The following HDAC4 variants were observed in gnomAD, a reference collection of about 807,000 sequenced individuals.
HDAC4 encodes the protein histone deacetylase 4, also known as histone deacetylase A.
Under a neutral mutation model 135.1 loss-of-function variants are expected in HDAC4, and 16 were observed. That is an observed-to-expected ratio of 0.12 (90% CI 0.08 to 0.18). HDAC4 has a LOEUF of 0.18. Ranked by LOEUF, HDAC4 falls within the 10% of genes least tolerant of loss-of-function variation. The probability of loss-of-function intolerance (pLI) is 1.00; values close to 1 mark genes in which losing one functional copy is unlikely to be tolerated. For missense variants in HDAC4, 1,143 were observed against 1,511.8 expected (o/e 0.76, Z 4.05); for synonymous variants, 685 against 653.4 (o/e 1.05, Z -0.74).
At chr2:239,090,205 G>C in intron 17 of HDAC4, 89 bp from the exon 18 acceptor site, 1 of 927,370 alleles carries the variant, frequency 1.1e-6, no homozygotes, top group South Asian at 1.3e-5. Context: ...AGGTTCCGTG[G>C]GCTCTGCTTC....
intron 12 of HDAC4, among the ~76,000 whole-genome samples, chr2:239,123,161 C>T (rs928321089): frequency 6.6e-6 from 1 of 152,232 alleles, no homozygotes; most frequent in African/African-American, 2.4e-5. Flanking sequence ...CTTCCTCAAA[C>T]CTCCTACCCC....
chr2:239,391,447 C>A (rs1373902312), intron 1 of HDAC4, among the ~76,000 whole-genome samples: 1 of 152,186 alleles, frequency 6.6e-6, no homozygotes, highest in Non-Finnish European at 1.5e-5. Context: ...GCCCGGTCAG[C>A]AGCAGGCCCC....
At chr2:239,072,229 C>T (rs2034268124) in intron 22 of HDAC4, among the ~76,000 whole-genome samples, 1 of 152,190 alleles carries the variant, frequency 6.6e-6, no homozygotes, top group Admixed American at 6.5e-5. Flanking sequence ...AGATCCTGTC[C>T]AGATATAACA....
intron 9 of HDAC4, among the ~76,000 whole-genome samples, chr2:239,137,678 C>T (rs1325581178): frequency 6.6e-6 from 1 of 152,212 alleles, no homozygotes; most frequent in Non-Finnish European, 1.5e-5. Flanking sequence ...GGCAAGCTCA[C>T]TACACTCTGC....
intron 3 of HDAC4, among the ~76,000 whole-genome samples, chr2:239,222,489 T>G (rs1418385478): frequency 6.9e-6 from 1 of 145,960 alleles, no homozygotes; most frequent in Non-Finnish European, 1.5e-5. Context: ...AGTGCACAAA[T>G]GTACTTCCTG....
chr2:239,166,496 G>A (rs1422088377), intron 5 of HDAC4, among the ~76,000 whole-genome samples: 5 of 152,162 alleles, frequency 3.3e-5, no homozygotes, highest in Non-Finnish European at 7.4e-5. Flanking sequence ...GTGGCGGTGG[G>A]GGGACAGGAG....
chr2:239,158,825 G>A (rs2042590795), intron 6 of HDAC4, among the ~76,000 whole-genome samples: 1 of 152,062 alleles, frequency 6.6e-6, no homozygotes. Context: ...CCGCACACGC[G>A]TGCCCTCCGC....
chr2:239,346,922 AAC>A (rs201565520), intron 2 of HDAC4, among the ~76,000 whole-genome samples: 2 of 106,870 alleles, frequency 1.9e-5, no homozygotes, highest in South Asian at 2.6e-4. Context: ...CCCTGTCTAA[AAC>A]ACACACACAC....
chr2:239,333,045 G>A (rs1691692127), intron 2 of HDAC4, among the ~76,000 whole-genome samples: 1 of 152,140 alleles, frequency 6.6e-6, no homozygotes, highest in Non-Finnish European at 1.5e-5. Context: ...TCCTATATCA[G>A]TTGAGGGTGT....
chr2:239,289,465 G>A (rs1043584875), intron 2 of HDAC4, among the ~76,000 whole-genome samples: 1 of 152,206 alleles, frequency 6.6e-6, no homozygotes, highest in East Asian at 1.9e-4. Context: ...CAAGGAAGTC[G>A]AGTAAAACAC....
intron 24 of HDAC4, among the ~76,000 whole-genome samples, chr2:239,061,120 G>A (rs1305624449): frequency 1.3e-5 from 2 of 150,842 alleles, no homozygotes; most frequent in Admixed American, 6.6e-5. Flanking sequence ...CGTTGGCACG[G>A]GGGGAGTGTG....
At chr2:239,171,053 A>G (rs538764117) in intron 5 of HDAC4, among the ~76,000 whole-genome samples, 1 of 152,292 alleles carries the variant, frequency 6.6e-6, no homozygotes, top group South Asian at 2.1e-4. Flanking sequence ...GCAAGAAGGA[A>G]AACAAAGTCC....
intron 2 of HDAC4, among the ~76,000 whole-genome samples, chr2:239,256,043 T>C (rs761586782): frequency 3.3e-5 from 5 of 152,260 alleles, no homozygotes; most frequent in Admixed American, 2.0e-4. Flanking sequence ...GCAAATATTA[T>C]GTTTGTCTTT....
At chr2:239,275,518 G>A (rs1185748293) in intron 2 of HDAC4, among the ~76,000 whole-genome samples, 1 of 152,148 alleles carries the variant, frequency 6.6e-6, no homozygotes, top group African/African-American at 2.4e-5. Flanking sequence ...CATGGCCCAC[G>A]GAGTGACAGC....
intron 2 of HDAC4, among the ~76,000 whole-genome samples, chr2:239,325,372 C>A (rs2053439469): frequency 6.6e-6 from 1 of 152,006 alleles, no homozygotes; most frequent in Admixed American, 6.6e-5. Flanking sequence ...AACACAACAA[C>A]AAAAAAACAA....
chr2:239,313,428 C>T lies in HDAC4; in HGVS notation c.22+39250G>A, dbSNP rs2052979799. The stretch of plus-strand genomic sequence containing the variant: ...GATCTGGATTAGAACCAAGTATCCC[C>T]AGGCTGCCCAGGAGCCCGCTCCTCC... On this transcript the variant is annotated intron_variant, in intron 2 of 26. Coordinates refer to ENST00000543185, the MANE Select transcript of HDAC4 (RefSeq NM_001378414.1). The surrounding 1 kb of genome is among the most constrained non-coding windows in gnomAD (Gnocchi z 5.1). 6.6e-6 allele frequency among the ~76,000 whole-genome samples: 1 copy of T among 152,116 alleles called. No individual in the cohort carries two copies. Among genetic ancestry groups the T allele is most frequent in the Admixed American group, 6.5e-5 (1 of 15,272 alleles).
rs112879616 is a variant in HDAC4 at position 239,165,259 on chromosome 2, G to A, written c.491-1336C>T. On this transcript the variant is annotated intron_variant, in intron 5 of 26. Transcript: ENST00000543185. ...AAAGAAAAACGAAACTTCTCTACAC[G>A]CTGACCCCCTGAACCACCCATCCAC... Among the ~76,000 whole-genome samples the A allele has an allele frequency of 4.0e-3, 602 of 152,164 alleles. 3 individuals are homozygous for A. Among genetic ancestry groups the A allele is most frequent in the African/African-American group, 0.013 (552 of 41,502 alleles).
intron 16 of HDAC4, 27 bp from the exon 17 acceptor site, chr2:239,095,083 G>C: frequency 6.2e-7 from 1 of 1,613,636 alleles, no homozygotes; most frequent in Non-Finnish European, 8.5e-7. Context: ...GACGGTCAGA[G>C]AGGCCAAGGG....
In HDAC4 at chr2:239,190,027, T is replaced by C. The variant is rs1209314417; in HGVS notation, c.145A>G (p.Met49Val). The C allele has an allele frequency of 5.0e-6, 8 of 1,604,486 alleles. No homozygotes were observed. The highest frequency in any genetic ancestry group is 6.8e-6 in the Non-Finnish European group (8 of 1,179,778). The change falls in exon 4 of 27, where the codon ATG becomes GTG. Residue 49 changes from methionine to valine, a missense_variant. Met to Val is a conservative substitution (Grantham distance 21). Transcript: ENST00000543185. ...AACTGGTGGTCCAGGCGCAGGTCCA[T>C]GGGCACTGCCGAGGGGGCCACTTGC... ...PLQVAPSAVP[M>V]DLRLDHQFSL...
Sources: allele counts gnomAD v4.1 joint callset (sites outside exome capture counted in the v4.1 genomes callset), GRCh38; gene constraint gnomAD v4.1.1; non-coding constraint Gnocchi (gnomAD v3.1); transcripts MANE v1.5; gene names NCBI Gene and HGNC (gene_info 2026-07-23, HGNC 2026-07-21).